Variants in CCDC148 observed in about 807,000 individuals in gnomAD.
The protein encoded by CCDC148 is coiled-coil domain containing 148.
CCDC148 carries 89 observed loss-of-function variants against 85.7 expected under a neutral mutation model. The observed-to-expected ratio is 1.04, with a 90% CI of 0.87 to 1.24. CCDC148 has a LOEUF of 1.24. Ranked by LOEUF, CCDC148 falls within the 50% of genes most tolerant of loss-of-function variation. The probability of loss-of-function intolerance (pLI) is 0.00; values close to 1 mark genes in which losing one functional copy is unlikely to be tolerated. For missense variants in CCDC148, 692 were observed against 671.7 expected (o/e 1.03, Z -0.33); for synonymous variants, 230 against 213.9 (o/e 1.08, Z -0.66).
chr2:158,356,974 C>T (rs970616647), intron 2 of CCDC148, among the ~76,000 whole-genome samples: 38 of 148,994 alleles, frequency 2.6e-4, no homozygotes, highest in African/African-American at 8.7e-4. Context: ...AGTAAACTAT[C>T]GCAAGAACAA....
chr2:158,233,570 A>G (rs1687956318), intron 10 of CCDC148, among the ~76,000 whole-genome samples: 1 of 151,800 alleles, frequency 6.6e-6, no homozygotes, highest in South Asian at 2.1e-4. Flanking sequence ...ATAGAAAGAT[A>G]GCATTGCCCA....
At chr2:158,270,702 T>C (rs140187709) in intron 9 of CCDC148, among the ~76,000 whole-genome samples, 218 of 152,348 alleles carry the variant, frequency 1.4e-3, no homozygotes, top group African/African-American at 5.1e-3. Flanking sequence ...AGTTCCTTGA[T>C]GGTGATACAA....
intron 1 of CCDC148, among the ~76,000 whole-genome samples, chr2:158,426,669 G>A (rs1687092975): frequency 6.6e-6 from 1 of 152,182 alleles, no homozygotes; most frequent in Non-Finnish European, 1.5e-5. Context: ...ATTGGCACAT[G>A]TGTCCGCATG....
At position 158,282,622 on chromosome 2, in the gene CCDC148, T is replaced by G. The variant is rs1478593872; in HGVS notation, c.1110+26811A>C. ...AACTACAAACCACTGCTCAATGAAA[T>G]TAAAGAGGATACACAGAAATGGAAA... On this transcript the variant is annotated intron_variant, in intron 9 of 13. Coordinates refer to ENST00000283233, the MANE Select transcript of CCDC148 (RefSeq NM_138803.4). 3.3e-5 allele frequency among the ~76,000 whole-genome samples: 5 copies of G among 152,172 alleles called. No homozygotes were observed. The East Asian group carries it at 7.7e-4, about 24-fold the overall frequency.
At chr2:158,368,345 A>G (rs1395119953) in intron 1 of CCDC148, among the ~76,000 whole-genome samples, 2 of 152,174 alleles carry the variant, frequency 1.3e-5, no homozygotes, top group African/African-American at 4.8e-5. Context: ...AAACTGTATT[A>G]AAACCAACAT....
At chr2:158,438,351 C>G (rs566510954) in intron 1 of CCDC148, among the ~76,000 whole-genome samples, 1 of 152,136 alleles carries the variant, frequency 6.6e-6, no homozygotes, top group Non-Finnish European at 1.5e-5. Context: ...CTTTGACAAA[C>G]CTGACAAAAA....
At chr2:158,439,979 C>T (rs1378764781) in intron 1 of CCDC148, among the ~76,000 whole-genome samples, 1 of 152,094 alleles carries the variant, frequency 6.6e-6, no homozygotes, top group African/African-American at 2.4e-5. Context: ...CCTATCTTAC[C>T]TCCTGAGTAG....
At chr2:158,276,101 C>G (rs1689928808) in intron 9 of CCDC148, among the ~76,000 whole-genome samples, 1 of 152,108 alleles carries the variant, frequency 6.6e-6, no homozygotes, top group South Asian at 2.1e-4. Flanking sequence ...AGAGTCTTCT[C>G]AGGTCAGGAT....
At chr2:158,235,663 T>C (rs1688069715) in intron 10 of CCDC148, 1 of 152,248 alleles carries the variant, frequency 6.6e-6, no homozygotes, top group African/African-American at 2.4e-5. Context: ...CATAATGATA[T>C]TCCCATTCCC....
intron 2 of CCDC148, among the ~76,000 whole-genome samples, chr2:158,353,784 G>A (rs1421568222): frequency 6.6e-6 from 1 of 151,982 alleles, no homozygotes. Context: ...ATTTTTTTCA[G>A]CACCACACCA....
chr2:158,380,184 A>G (rs1684813216), intron 1 of CCDC148, among the ~76,000 whole-genome samples: 1 of 152,144 alleles, frequency 6.6e-6, no homozygotes, highest in Non-Finnish European at 1.5e-5. Context: ...ATTTACAAGT[A>G]TGCTTGCAGC....
chr2:158,270,247 T>C (rs1574513007), intron 9 of CCDC148, among the ~76,000 whole-genome samples: 1 of 152,200 alleles, frequency 6.6e-6, no homozygotes, highest in South Asian at 2.1e-4. Context: ...TTATTTTACC[T>C]GCACATTTTG....
rs1279069325 is a variant in CCDC148, at chr2:158,217,372, G to GTATATATATA, written c.1370+3222_1370+3223insTATATATATA. Among the ~76,000 whole-genome samples, 7 of 72,322 alleles carry GTATATATATA rather than the reference G, an allele frequency of 9.7e-5. No individual in the cohort carries two copies. In the East Asian group the frequency reaches 2.3e-3, roughly 23 times the overall value. 47.4% of individuals were successfully genotyped at this position (72,322 alleles called of 152,430 possible). A position where few individuals can be genotyped will look rare whatever the true frequency, so the allele number is the denominator to read the frequency against. On this transcript the variant is annotated intron_variant, in intron 11 of 13. Coordinates refer to ENST00000283233, the MANE Select transcript of CCDC148 (RefSeq NM_138803.4). ...TATATATATAAAATTTTGTGTGTGT[G>GTATATATATA]TGTATATATATATATATATATACAC...
At chr2:158,190,191 C>G (rs1354862420) in intron 11 of CCDC148, among the ~76,000 whole-genome samples, 1 of 151,850 alleles carries the variant, frequency 6.6e-6, no homozygotes, top group Non-Finnish European at 1.5e-5. Flanking sequence ...AAAAGCCAAA[C>G]TGAGGCATGA....
intron 9 of CCDC148, among the ~76,000 whole-genome samples, chr2:158,287,985 A>T (rs1438471610): frequency 6.6e-6 from 1 of 152,208 alleles, no homozygotes; most frequent in Non-Finnish European, 1.5e-5. Context: ...CCAAACCTCA[A>T]TTCTTGACCT....
chr2:158,355,448 G>C (rs1456504518), intron 2 of CCDC148, among the ~76,000 whole-genome samples: 1 of 152,012 alleles, frequency 6.6e-6, no homozygotes. Context: ...GAAAAACAGA[G>C]AGCCAAATCA....
At chr2:158,244,542 C>G (rs1688489812) in intron 10 of CCDC148, among the ~76,000 whole-genome samples, 1 of 152,098 alleles carries the variant, frequency 6.6e-6, no homozygotes. Flanking sequence ...CCCGGGCCAC[C>G]CTCATCTCCT....
At chr2:158,338,591 TAGTC>T in intron 7 of CCDC148, 131 bp downstream of exon 7, 1 of 626,078 alleles carries the variant, frequency 1.6e-6, no homozygotes, top group Non-Finnish European at 2.6e-6. Flanking sequence ...ATTCATCAAA[TAGTC>T]AGTCTAAACA....
At chr2:158,454,818 C>T (rs1688536297) in intron 1 of CCDC148, among the ~76,000 whole-genome samples, 1 of 152,136 alleles carries the variant, frequency 6.6e-6, no homozygotes, top group African/African-American at 2.4e-5. Context: ...CAAAAGAAAC[C>T]TTTCAACTAA....
Sources: gnomAD v4.1 joint callset for allele counts (sites outside exome capture counted in the v4.1 genomes callset) on GRCh38, gnomAD v4.1.1 for gene constraint, MANE v1.5 for transcripts, NCBI Gene and HGNC (gene_info 2026-07-23, HGNC 2026-07-21) for gene names.